Variants in GPT observed in about 807,000 individuals in gnomAD.
The protein encoded by GPT is glutamic--pyruvic transaminase.
GPT carries 60 observed loss-of-function variants against 51.4 expected under a neutral mutation model. The observed-to-expected ratio is 1.17, with a 90% CI of 0.95 to 1.45. The LOEUF is 1.45. Among genes scored for constraint, GPT ranks in the 40% most tolerant of loss-of-function variants. The pLI, the probability that GPT is intolerant of heterozygous loss-of-function variation, is 0.00. For synonymous variants in GPT, 397 were observed against 303.1 expected (o/e 1.31, Z -3.22); for missense variants, 853 against 704.0 (o/e 1.21, Z -2.40).
In GPT at chr8:144,507,101, T is replaced by TGGGCG; in HGVS notation, c.*104_*105insCGGGG. The TGGGCG allele has an allele frequency of 8.0e-6, 1 of 125,738 alleles. No homozygotes were observed. Among genetic ancestry groups the TGGGCG allele is most frequent in the Non-Finnish European group, 1.6e-5 (1 of 62,348 alleles). 7.8% of individuals were successfully genotyped at this position (125,738 alleles called of 1,614,324 possible). On this transcript the variant is annotated 3_prime_UTR_variant, in exon 11 of 11. Coordinates refer to ENST00000394955, the MANE Select transcript of GPT (RefSeq NM_005309.3). Reference sequence around the variant, plus strand: ...TACTTGCTCTTGATGCCTGGCGGGGTGGGGTGGGGGGGGTGCTGGGCCCCT... The same window carrying TGGGCG: ...TACTTGCTCTTGATGCCTGGCGGGGTGGGCGGGGGTGGGGGGGGTGCTGGGCCCCT...
chr8:144,504,337 G>T lies in GPT; in HGVS notation c.33G>T (p.Ala11=). 1 of 1,610,666 alleles carries T rather than the reference G, an allele frequency of 6.2e-7. No individual in the cohort carries two copies. The highest frequency in any genetic ancestry group is 8.5e-7 in the Non-Finnish European group (1 of 1,179,906). MASSTGDRSQ[A]VRHGLRAKVL... ...CGAGCACAGGTGACCGGAGCCAGGC[G>T]GTGAGGCATGGACTGAGGGCGAAGG... is the stretch of plus-strand genomic sequence containing the variant. The change falls in exon 1 of 11, where the codon GCG becomes GCT. Residue 11 remains alanine (A), a synonymous_variant. Transcript: ENST00000394955.
At chr8:144,504,725 C>T (rs201081960) in intron 2 of GPT, 32 bp downstream of exon 2, 2 of 1,611,818 alleles carry the variant, frequency 1.2e-6, no homozygotes, top group African/African-American at 1.3e-5. Context: ...GAGCACCCCC[C>T]CACCCCCAGC....
chr8:144,506,111 C>T lies in GPT; in HGVS notation c.936C>T (p.Thr312=), dbSNP rs775470130. 1 of 1,612,280 alleles carries T rather than the reference C, an allele frequency of 6.2e-7. No homozygotes were observed. Residue 312 remains threonine (T), a synonymous_variant, in exon 7 of 11, where the codon ACC becomes ACT. Transcript: ENST00000394955. This position sits in a 1 kb window ranked among gnomAD's most constrained non-coding sequence, Gnocchi z 7.0. The part of the protein sequence containing the change: ...GQQELASFHS[T]SKGYMGECGF... The stretch of plus-strand genomic sequence containing the variant: ...AGGAGCTTGCCTCCTTCCACTCCAC[C>T]TCCAAGGGCTACATGGGCGAGTGCG...
chr8:144,505,202 G>A (rs778524553), intron 4 of GPT, 44 bp from the exon 5 acceptor site: 106 of 1,612,102 alleles, frequency 6.6e-5, no homozygotes, highest in Non-Finnish European at 8.5e-5. Flanking sequence ...GGACAGGTGC[G>A]GCCCCAGGCC....
At chr8:144,505,203 G>GC (rs1564777412) in intron 4 of GPT, 43 bp from the exon 5 acceptor site, 2 of 1,612,176 alleles carry the variant, frequency 1.2e-6, no homozygotes, top group East Asian at 2.2e-5. Flanking sequence ...GACAGGTGCG[G>GC]CCCCAGGCCT....
chr8:144,504,643 A>G lies in GPT; in HGVS notation c.202A>G (p.Ile68Val). The G allele has an allele frequency of 6.2e-7, 1 of 1,613,266 alleles. No individual in the cohort carries two copies. Among genetic ancestry groups the G allele is most frequent in the Non-Finnish European group, 8.5e-7 (1 of 1,180,004 alleles). Residue 68 changes from isoleucine (I) to valine (V), a missense_variant, in exon 2 of 11, where the codon ATC (isoleucine) becomes GTC (valine). Physicochemically the swap from Ile to Val is conservative, Grantham distance 29. Coordinates refer to ENST00000394955, the MANE Select transcript of GPT (RefSeq NM_005309.3). ...TTTCACCGAGGTCATCCGTGCCAAC[A>G]TCGGGGACGCACAGGCTATGGGGCA... ...KPFTEVIRANIGDAQAMGQRP... is the reference protein window; with the variant it reads ...KPFTEVIRANVGDAQAMGQRP...
Position 144,506,972 on chromosome 8 carries a change from A to C in GPT, c.1463A>C (p.His488Pro), listed in dbSNP as rs765235280. The change falls in exon 11 of 11, where the codon CAT becomes CCT. Residue 488 changes from histidine (H) to proline (P), a missense_variant. Coordinates refer to ENST00000394955, the MANE Select transcript of GPT (RefSeq NM_005309.3). The surrounding 1 kb of genome is among the most constrained non-coding windows in gnomAD (Gnocchi z 7.0). The stretch of plus-strand genomic sequence containing the variant: ...CTGCTGGAGAAGCTGAGCAGGTTCC[A>C]TGCCAAGTTCACCCTCGAGTACTCC... ...RLLLEKLSRFHAKFTLEYS is the reference protein window; with the variant it reads ...RLLLEKLSRFPAKFTLEYS 3.1e-6 allele frequency: 5 copies of C among 1,612,734 alleles called. No individual in the cohort carries two copies. The Admixed American group carries it at 8.3e-5, about 27-fold the overall frequency.
In GPT at chr8:144,504,155, G is replaced by A. The variant is rs1184016777; in HGVS notation, c.-150G>A. On this transcript the variant is annotated 5_prime_UTR_variant, in exon 1 of 11. Coordinates refer to ENST00000394955, the MANE Select transcript of GPT (RefSeq NM_005309.3). ...TGTCCCTCCCAGTGAGGCCAGCTGC[G>A]GTGAAGAGGGTGCTCTCTTGCCTGG... 3.6e-5 allele frequency: 29 copies of A among 795,662 alleles called. No individual in the cohort carries two copies. In the Admixed American group the frequency reaches 4.1e-4, roughly 11 times the overall value. The allele number at this position is 795,662 out of a possible 1,614,324, so 49.3% of individuals were successfully genotyped here.
Position 144,506,883 on chromosome 8 carries a change from C to T in GPT, c.1401-27C>T, listed in dbSNP as rs1365849323. ...TCACTCCCTGTCCCGCCACCCTGGC[C>T]CTTCACTCACTGTCAACTCCTTTCA... On this transcript the variant is annotated intron_variant, in intron 10 of 10. Transcript: ENST00000394955. This position sits in a 1 kb window ranked among gnomAD's most constrained non-coding sequence, Gnocchi z 7.0. 1 of 1,612,004 alleles carries T rather than the reference C, an allele frequency of 6.2e-7. No homozygotes were observed. The highest frequency in any genetic ancestry group is 8.5e-7 in the Non-Finnish European group (1 of 1,179,108).
Position 144,506,149 on chromosome 8 carries a change from G to C in GPT, c.956+18G>C. On this transcript the variant is annotated intron_variant, in intron 7 of 10. Coordinates refer to ENST00000394955, the MANE Select transcript of GPT (RefSeq NM_005309.3). The surrounding 1 kb of genome is among the most constrained non-coding windows in gnomAD (Gnocchi z 7.0). ...ATGGGCGAGTGCGTGCGTACGAGGC[G>C]GGTGGGGGCTCGCGGGCCATGGCCA... 2 of 1,608,402 alleles carry C rather than the reference G, an allele frequency of 1.2e-6. No homozygotes were observed. The highest frequency in any genetic ancestry group is 1.7e-6 in the Non-Finnish European group (2 of 1,177,430).
chr8:144,503,968 T>C (rs1039500327), upstream of GPT: 10 of 390,066 alleles, frequency 2.6e-5, no homozygotes, highest in African/African-American at 1.9e-4. Context: ...CTACCCCCCA[T>C]GTGGGTCTCC....
Position 144,505,491 on chromosome 8 carries a change from T to G in GPT, c.739+2T>G. The G allele has an allele frequency of 6.4e-7, 1 of 1,562,768 alleles. No individual in the cohort carries two copies. ...TCATCAACCCTGGCAACCCCACCGG[T>G]GCGTTCCCCGCCGCCCCGCCCCACT... On this transcript the variant is annotated splice_donor_variant, in intron 5 of 10. Transcript: ENST00000394955. LOFTEE classifies it high-confidence loss of function.
At chr8:144,505,179 C>A (rs370098669) in intron 4 of GPT, 48 bp downstream of exon 4, 29 of 1,612,598 alleles carry the variant, frequency 1.8e-5, no homozygotes, top group Non-Finnish European at 2.2e-5. Context: ...GCAGAGGGGG[C>A]GCCCAGGGTG....
In GPT at chr8:144,504,828, G is replaced by A; in HGVS notation, c.310G>A (p.Ala104Thr). 6.2e-7 allele frequency: 1 copy of A among 1,613,548 alleles called. No individual in the cohort carries two copies. The highest frequency in any genetic ancestry group is 2.2e-5 in the East Asian group (1 of 44,890). ...LLSSPNFPDD[A>T]KKRAERILQA... is the part of the protein sequence containing the mutation. ...GAGCAGCCCCAACTTCCCTGACGAT[G>A]CCAAGAAAAGGGCGGAGCGCATCTT... The change falls in exon 3 of 11, where the codon GCC becomes ACC. Residue 104 changes from alanine to threonine, a missense_variant. Ala to Thr is a moderately conservative substitution (Grantham distance 58). Coordinates refer to ENST00000394955, the MANE Select transcript of GPT (RefSeq NM_005309.3).
In GPT at chr8:144,505,474, C is replaced by T. The variant is rs757090626; in HGVS notation, c.724C>T (p.Pro242Ser). Residue 242 changes from proline to serine, a missense_variant, in exon 5 of 11, where the codon CCT becomes TCT. Coordinates refer to ENST00000394955, the MANE Select transcript of GPT (RefSeq NM_005309.3). The stretch of plus-strand genomic sequence containing the variant: ...CCCTCGTGCGCTCTGTGTCATCAAC[C>T]CTGGCAACCCCACCGGTGCGTTCCC... ...CRPRALCVINPGNPTGQVQTR... is the reference protein window; with the variant it reads ...CRPRALCVINSGNPTGQVQTR... 12 of 1,588,982 alleles carry T rather than the reference C, an allele frequency of 7.6e-6. No homozygotes were observed. The highest frequency in any genetic ancestry group is 1.0e-5 in the Non-Finnish European group (12 of 1,170,478).
Position 144,505,144 on chromosome 8 carries a change from T to G in GPT, c.495+13T>G, listed in dbSNP as rs374035225. On this transcript the variant is annotated intron_variant, in intron 4 of 10. Transcript: ENST00000394955. ...CGATGCCATCGTGGTAGGCTGGGCATGGGCACCAAGACATTCCTGACACTG... is the reference window on the plus strand; with the variant it reads ...CGATGCCATCGTGGTAGGCTGGGCAGGGGCACCAAGACATTCCTGACACTG... The G allele has an allele frequency of 2.5e-6, 4 of 1,612,902 alleles. No homozygotes were observed. Among genetic ancestry groups the G allele is most frequent in the Non-Finnish European group, 3.4e-6 (4 of 1,179,992 alleles).
rs1826795294 is a variant in GPT, at chr8:144,506,210, C to A, written c.957-22C>A. The A allele has an allele frequency of 7.5e-6, 12 of 1,604,622 alleles. No individual in the cohort carries two copies. Among genetic ancestry groups the A allele is most frequent in the Non-Finnish European group, 9.3e-6 (11 of 1,177,320 alleles). ...GCCCGATGGGCCACCCCCTCCTCCGCACCTGACCTGGCCGTGCGCAGGTGC... is the reference window on the plus strand; with the variant it reads ...GCCCGATGGGCCACCCCCTCCTCCGAACCTGACCTGGCCGTGCGCAGGTGC... On this transcript the variant is annotated intron_variant, in intron 7 of 10. Coordinates refer to ENST00000394955, the MANE Select transcript of GPT (RefSeq NM_005309.3). This position sits in a 1 kb window ranked among gnomAD's most constrained non-coding sequence, Gnocchi z 7.0.
At chr8:144,504,731 C>G in intron 2 of GPT, 38 bp downstream of exon 2, 17 of 1,611,344 alleles carry the variant, frequency 1.1e-5, no homozygotes, top group Non-Finnish European at 1.4e-5. Flanking sequence ...CCCCCCACCC[C>G]CAGCCCATGT....
intron 5 of GPT, 138 bp downstream of exon 5, chr8:144,505,627 G>A (rs1280985397): frequency 7.9e-6 from 1 of 126,370 alleles, no homozygotes; most frequent in Non-Finnish European, 1.3e-5. Context: ...TGCGTTCCCC[G>A]CCGCCCCGCC....
Sources: gnomAD v4.1 joint callset for allele counts on GRCh38, gnomAD v4.1.1 for gene constraint, Gnocchi (gnomAD v3.1) non-coding constraint, MANE v1.5 for transcripts, NCBI Gene and HGNC (gene_info 2026-07-23, HGNC 2026-07-21) for gene names.